Variants in SAMD5 observed in about 807,000 individuals in gnomAD.
The protein encoded by SAMD5 is sterile alpha motif domain-containing protein 5.
A neutral mutation model predicts 11.3 loss-of-function variants in SAMD5; 13 were observed. The ratio of observed to expected loss-of-function variants is 1.15; its 90% CI spans 0.75 to 1.83. The LOEUF (loss-of-function observed/expected upper bound fraction) is 1.83. Among genes scored for constraint, SAMD5 ranks in the 40% most tolerant of loss-of-function variants. The pLI, the probability that SAMD5 is intolerant of heterozygous loss-of-function variation, is 0.00. For synonymous variants in SAMD5, 129 were observed against 111.3 expected (o/e 1.16, Z -1.00); for missense variants, 255 against 239.1 (o/e 1.07, Z -0.44).
chr6:147,712,858 G>C (rs1331909232), intron 1 of SAMD5, among the ~76,000 whole-genome samples: 1 of 151,150 alleles, frequency 6.6e-6, no homozygotes, highest in Non-Finnish European at 1.5e-5. Context: ...ATGATATTTT[G>C]TTATAGCAGA....
the SAMD5 span, among the ~76,000 whole-genome samples, chr6:147,942,721 A>C: frequency 2.6e-5 from 4 of 152,244 alleles, no homozygotes; most frequent in Admixed American, 2.0e-4. Flanking sequence ...AGAAGAATGA[A>C]GAGATGGTGA....
chr6:147,766,546 T>C, the SAMD5 span, among the ~76,000 whole-genome samples: 1 of 152,208 alleles, frequency 6.6e-6, no homozygotes, highest in Non-Finnish European at 1.5e-5. Context: ...GAAAAAGTGT[T>C]TTCAGCCAAC....
At chr6:147,646,851 A>G (rs1562342061) in intron 1 of SAMD5, among the ~76,000 whole-genome samples, 1 of 151,928 alleles carries the variant, frequency 6.6e-6, no homozygotes. Context: ...TAAGAAAATC[A>G]TAAAGGCCAG....
chr6:147,631,660 G>A (rs949088377), intron 1 of SAMD5, among the ~76,000 whole-genome samples: 2 of 152,168 alleles, frequency 1.3e-5, no homozygotes, highest in African/African-American at 4.8e-5. Flanking sequence ...GACCCTGTGG[G>A]AAACGCCTCT....
At position 147,525,862 on chromosome 6, in the gene SAMD5, G is replaced by T. The variant is rs1788329704; in HGVS notation, c.459+16475G>T. Among the ~76,000 whole-genome samples the T allele has an allele frequency of 2.6e-5, 4 of 152,264 alleles. No individual in the cohort carries two copies. The South Asian group carries it at 8.3e-4, about 32-fold the overall frequency. On this transcript the variant is annotated intron_variant, in intron 1 of 1. Coordinates refer to ENST00000367474, the MANE Select transcript of SAMD5 (RefSeq NM_001030060.3). ...CGTACAAGAAGAAAAGCACAACCAAGAAAGCCAGCATGCCTCCTGGAAAGC... is the reference window on the plus strand; with the variant it reads ...CGTACAAGAAGAAAAGCACAACCAATAAAGCCAGCATGCCTCCTGGAAAGC...
the SAMD5 span, among the ~76,000 whole-genome samples, chr6:147,818,408 C>G: frequency 6.6e-6 from 1 of 152,178 alleles, no homozygotes; most frequent in African/African-American, 2.4e-5. Context: ...TGTGTCAAAA[C>G]TTAGTAAATT....
chr6:147,650,978 A>G lies in SAMD5; in HGVS notation c.163-86339A>G, dbSNP rs184351110. On this transcript the variant is annotated intron_variant, in intron 1 of 1. Transcript: ENST00000566741. The stretch of plus-strand genomic sequence containing the variant: ...TTTTTATTACTTATGAATTTCTATT[A>G]ACTCTGGTTCAAGGTTATTGAATTT... 4.6e-3 allele frequency among the ~76,000 whole-genome samples: 706 copies of G among 152,310 alleles called. 7 individuals are homozygous for G. Among genetic ancestry groups the G allele is most frequent in the South Asian group, 8.1e-3 (39 of 4,822 alleles).
At chr6:147,672,606 C>T (rs1340688086) in intron 1 of SAMD5, among the ~76,000 whole-genome samples, 2 of 152,068 alleles carry the variant, frequency 1.3e-5, no homozygotes, top group South Asian at 2.1e-4. Context: ...GCAAATAACA[C>T]TAAAAGGCTT....
At chr6:147,881,086 C>A in the SAMD5 span, among the ~76,000 whole-genome samples, 2 of 152,162 alleles carry the variant, frequency 1.3e-5, no homozygotes, top group Non-Finnish European at 2.9e-5. Flanking sequence ...GACAAGCACC[C>A]TCTTCCATAT....
At chr6:147,645,685 GA>G (rs1437371766) in intron 1 of SAMD5, among the ~76,000 whole-genome samples, 4 of 152,112 alleles carry the variant, frequency 2.6e-5, no homozygotes, top group Non-Finnish European at 4.4e-5. Context: ...AGGCCAAGGA[GA>G]AAACCTAAGA....
At chr6:147,575,265 G>T (rs1241499042) in intron 1 of SAMD5, among the ~76,000 whole-genome samples, 1 of 152,222 alleles carries the variant, frequency 6.6e-6, no homozygotes, top group Non-Finnish European at 1.5e-5. Flanking sequence ...ACTTCAGAGA[G>T]CCCCTCTGTC....
downstream of SAMD5, among the ~76,000 whole-genome samples, chr6:147,739,899 A>G (rs1481776014): frequency 6.6e-6 from 1 of 152,078 alleles, no homozygotes; most frequent in Non-Finnish European, 1.5e-5. Flanking sequence ...AGCTCACTGC[A>G]ACCTCTGCCT....
chr6:147,890,295 A>G, the SAMD5 span, among the ~76,000 whole-genome samples: 1 of 152,182 alleles, frequency 6.6e-6, no homozygotes, highest in Admixed American at 6.5e-5. Context: ...TAAAATGCAT[A>G]TAAACTTACA....
chr6:147,857,505 C>A, the SAMD5 span, among the ~76,000 whole-genome samples: 1 of 151,548 alleles, frequency 6.6e-6, no homozygotes, highest in South Asian at 2.1e-4. Context: ...CAGAGCAAGA[C>A]CTTATCTCTA....
chr6:147,513,484 G>C (rs1042508762), intron 1 of SAMD5, among the ~76,000 whole-genome samples: 1 of 152,192 alleles, frequency 6.6e-6, no homozygotes, highest in African/African-American at 2.4e-5. Context: ...GGGCGAGAAA[G>C]ATATTGCCTT....
At chr6:147,629,314 A>T (rs1160186495) in intron 1 of SAMD5, among the ~76,000 whole-genome samples, 1 of 144,550 alleles carries the variant, frequency 6.9e-6, no homozygotes, top group Non-Finnish European at 1.6e-5. Context: ...TCCATCCAAA[A>T]AATAATAATA....
chr6:147,702,308 G>C (rs1026845959), intron 1 of SAMD5, among the ~76,000 whole-genome samples: 3 of 152,114 alleles, frequency 2.0e-5, no homozygotes, highest in African/African-American at 7.2e-5. Context: ...TCAAGATTTG[G>C]GTGGGGACAC....
chr6:147,563,407 A>G (rs1047907351), intron 1 of SAMD5, among the ~76,000 whole-genome samples: 3 of 152,254 alleles, frequency 2.0e-5, no homozygotes, highest in Admixed American at 2.0e-4. Flanking sequence ...AAAACAAAAC[A>G]AAACAAAGGA....
At chr6:147,925,622 G>A in the SAMD5 span, among the ~76,000 whole-genome samples, 4 of 149,072 alleles carry the variant, frequency 2.7e-5, no homozygotes, top group Non-Finnish European at 5.9e-5. Flanking sequence ...ATGTTTGAAA[G>A]ATGTTCAAAG....
Sources: gnomAD v4.1 joint callset for allele counts (sites outside exome capture counted in the v4.1 genomes callset) on GRCh38, gnomAD v4.1.1 for gene constraint, MANE v1.5 for transcripts, NCBI Gene and HGNC (gene_info 2026-07-23, HGNC 2026-07-21) for gene names.